The following ELK3 variants were observed in gnomAD, a reference collection of about 807,000 sequenced individuals.
ELK3 encodes ETS domain-containing protein Elk-3.
Under a neutral mutation model 28.9 loss-of-function variants are expected in ELK3, and 10 were observed. The ratio of observed to expected loss-of-function variants is 0.35; its 90% CI spans 0.21 to 0.59. ELK3 has a LOEUF of 0.59. ELK3 is among the 20% of genes least tolerant of loss of function. The pLI, the probability that ELK3 is intolerant of heterozygous loss-of-function variation, is 0.82. For missense variants in ELK3, 463 were observed against 517.3 expected, an observed-to-expected ratio of 0.90 and a Z score of 1.02; for synonymous variants, 272 against 243.5, an observed-to-expected ratio of 1.12 and a Z score of -1.09.
intron 1 of ELK3, among the ~76,000 whole-genome samples, chr12:96,215,872 G>A (rs1432216879): frequency 6.6e-6 from 1 of 152,050 alleles, no homozygotes. Context: ...GGGCTCAAGC[G>A]ATCCACCCAC....
At chr12:96,212,122 C>CAG (rs1415826600) in intron 1 of ELK3, among the ~76,000 whole-genome samples, 1 of 152,178 alleles carries the variant, frequency 6.6e-6, no homozygotes, top group African/African-American at 2.4e-5. Context: ...AAAATGAAAC[C>CAG]AGAGCTGCAG....
intron 4 of ELK3, among the ~76,000 whole-genome samples, chr12:96,262,022 T>C (rs377353200): frequency 5.7e-4 from 80 of 140,106 alleles, no homozygotes; most frequent in Admixed American, 1.2e-3. Flanking sequence ...AAAAACTTTT[T>C]TTTTTTTTTT....
At chr12:96,261,854 G>A (rs190946494) in intron 4 of ELK3, among the ~76,000 whole-genome samples, 5 of 152,232 alleles carry the variant, frequency 3.3e-5, no homozygotes, top group East Asian at 3.9e-4. Context: ...GTTGGGATAC[G>A]TGCATCCGCT....
intron 2 of ELK3, among the ~76,000 whole-genome samples, chr12:96,236,967 T>G (rs1047690114): frequency 6.6e-6 from 1 of 152,202 alleles, no homozygotes; most frequent in Non-Finnish European, 1.5e-5. Flanking sequence ...GTTCCTTGAC[T>G]TGCAGCTGCC....
At position 96,260,107 on chromosome 12, in the gene ELK3, C is replaced by G. The variant is rs562889744; in HGVS notation, c.1125+254C>G. On this transcript the variant is annotated intron_variant, in intron 4 of 4. Coordinates refer to ENST00000228741, the MANE Select transcript of ELK3 (RefSeq NM_005230.4). ...AAGTGTTTTGCATATTTTCATTTGT[C>G]TATGAAAACAGGAAATTTATTAAGG... Among the ~76,000 whole-genome samples the G allele has an allele frequency of 1.1e-3, 169 of 152,140 alleles. 1 individual carries two copies. The highest frequency in any genetic ancestry group is 1.4e-3 in the Non-Finnish European group (94 of 67,990).
chr12:96,247,066 T>C lies in ELK3; in HGVS notation c.334T>C (p.Cys112Arg). ...GAGCCTTCTGCTGCAGGACAGCGAC[T>C]GCAAGGCGTCTCCGGAGGGCCGCGA... The part of the protein sequence containing the change: ...RESLLLQDSD[C>R]KASPEGREAH... Residue 112 changes from cysteine to arginine, a missense_variant, in exon 3 of 5, where the codon TGC becomes CGC. This residue lies in a region of ELK3 where 408 missense variants were observed against 414.8 expected (regional missense o/e 0.98). Coordinates refer to ENST00000228741, the MANE Select transcript of ELK3 (RefSeq NM_005230.4). This position sits in a 1 kb window ranked among gnomAD's most constrained non-coding sequence, Gnocchi z 5.5. The C allele has an allele frequency of 1.9e-6, 3 of 1,614,060 alleles. No individual in the cohort carries two copies. The highest frequency in any genetic ancestry group is 2.2e-5 in the South Asian group (2 of 91,080).
rs1375256785 is a variant in ELK3, at chr12:96,230,313, C to T, written c.207+6540C>T. Among the ~76,000 whole-genome samples, 6 of 152,152 alleles carry T rather than the reference C, an allele frequency of 3.9e-5. No individual in the cohort carries two copies. In the East Asian group the frequency reaches 1.2e-3, roughly 29 times the overall value. On this transcript the variant is annotated intron_variant, in intron 2 of 4. Coordinates refer to ENST00000228741, the MANE Select transcript of ELK3 (RefSeq NM_005230.4). ...CTCGCACAACAACGAAATTCCCCAG[C>T]GACACATTTCTCAGAACGTAGCCTC...
chr12:96,246,498 TAA>T (rs1185492873), intron 2 of ELK3, among the ~76,000 whole-genome samples: 1 of 151,976 alleles, frequency 6.6e-6, no homozygotes, highest in Non-Finnish European at 1.5e-5. Flanking sequence ...CCACAAAAAA[TAA>T]AAATGTAAAA....
intron 2 of ELK3, among the ~76,000 whole-genome samples, chr12:96,234,513 C>T (rs1845118512): frequency 6.6e-6 from 1 of 152,192 alleles, no homozygotes; most frequent in South Asian, 2.1e-4. Context: ...ACCCACGCCT[C>T]AGCTGCTCCT....
chr12:96,262,080 G>A, intron 4 of ELK3, among the ~76,000 whole-genome samples: 1 of 147,654 alleles, frequency 6.8e-6, no homozygotes, highest in Admixed American at 6.9e-5. Context: ...GTGCAGTGGT[G>A]TGATCTCTGC....
At chr12:96,225,539 C>T (rs1951692860) in intron 2 of ELK3, among the ~76,000 whole-genome samples, 1 of 152,254 alleles carries the variant, frequency 6.6e-6, no homozygotes, top group Non-Finnish European at 1.5e-5. Flanking sequence ...GTGCTGAGCA[C>T]TTCTTCCCCT....
At chr12:96,201,580 CAAA>C (rs11298632) in intron 1 of ELK3, among the ~76,000 whole-genome samples, 47 of 82,878 alleles carry the variant, frequency 5.7e-4, no homozygotes, top group South Asian at 9.3e-4. Context: ...AACCCTGTCT[CAAA>C]AAAAAAAAAA....
chr12:96,267,157 T>C lies in ELK3; in HGVS notation c.1201T>C (p.Ser401Pro). ...CAGAGCTGCTTCTCCAGTACTGCTT[T>C]CTTCAAACTCTCAGAAATCCTGATG... is the stretch of plus-strand genomic sequence containing the variant. ...LDRAASPVLL[S>P]SNSQKS Residue 401 changes from serine (S) to proline (P), a missense_variant, in exon 5 of 5, where the codon TCT becomes CCT. Coordinates refer to ENST00000228741, the MANE Select transcript of ELK3 (RefSeq NM_005230.4). 1 of 1,612,718 alleles carries C rather than the reference T, an allele frequency of 6.2e-7. No individual in the cohort carries two copies. The highest frequency in any genetic ancestry group is 8.5e-7 in the Non-Finnish European group (1 of 1,179,430).
At chr12:96,219,792 G>A (rs752743570) in intron 1 of ELK3, among the ~76,000 whole-genome samples, 5 of 152,126 alleles carry the variant, frequency 3.3e-5, no homozygotes, top group Non-Finnish European at 4.4e-5. Flanking sequence ...GTAGTTTTTC[G>A]ACTTAGCTCT....
intron 2 of ELK3, among the ~76,000 whole-genome samples, chr12:96,245,154 AC>A (rs1273118945): frequency 6.6e-6 from 1 of 151,998 alleles, no homozygotes; most frequent in Non-Finnish European, 1.5e-5. Context: ...GCTGAATGGG[AC>A]CCTTAAATGT....
chr12:96,261,866 G>A (rs762606778), intron 4 of ELK3, among the ~76,000 whole-genome samples: 42 of 152,244 alleles, frequency 2.8e-4, no homozygotes, highest in Non-Finnish European at 4.3e-4. Context: ...GCATCCGCTC[G>A]TTTCTTCAGT....
intron 3 of ELK3, among the ~76,000 whole-genome samples, chr12:96,257,471 C>T (rs954123983): frequency 4.6e-5 from 7 of 152,156 alleles, no homozygotes; most frequent in Non-Finnish European, 8.8e-5. Flanking sequence ...CATGGGTATA[C>T]GTTTTAGACC....
chr12:96,215,413 G>C (rs1054980667), intron 1 of ELK3, among the ~76,000 whole-genome samples: 5 of 152,158 alleles, frequency 3.3e-5, no homozygotes, highest in Admixed American at 3.3e-4. Flanking sequence ...GAGGCCAGTA[G>C]CTTTTCGGTG....
chr12:96,263,180 A>G lies in ELK3; in HGVS notation c.1125+3327A>G, dbSNP rs547430221. Reference sequence around the variant, plus strand: ...CAGAAGGGCCCCTAATATGATTACTATAGCAGGTTATAGCAGATATGAAAG... The same window carrying G: ...CAGAAGGGCCCCTAATATGATTACTGTAGCAGGTTATAGCAGATATGAAAG... On this transcript the variant is annotated intron_variant, in intron 4 of 4. Coordinates refer to ENST00000228741, the MANE Select transcript of ELK3 (RefSeq NM_005230.4). Among the ~76,000 whole-genome samples the G allele has an allele frequency of 5.9e-5, 9 of 152,278 alleles. 1 individual carries two copies. Among genetic ancestry groups the G allele is most frequent in the African/African-American group, 2.2e-4 (9 of 41,538 alleles).
Sources: gnomAD v4.1 joint callset for allele counts (sites outside exome capture counted in the v4.1 genomes callset) on GRCh38, gnomAD v4.1.1 for gene constraint, gnomAD v4.1.1 regional missense constraint, Gnocchi (gnomAD v3.1) non-coding constraint, MANE v1.5 for transcripts, NCBI Gene and HGNC (gene_info 2026-07-23, HGNC 2026-07-21) for gene names.